Variants in PRKCQ observed in about 807,000 individuals in gnomAD.
The protein encoded by PRKCQ is protein kinase C theta, also known as protein kinase C theta type.
In PRKCQ, 41 loss-of-function variants were observed where a neutral mutation model predicts 91.2. That is an observed-to-expected ratio of 0.45 (90% CI 0.35 to 0.58). The LOEUF (loss-of-function observed/expected upper bound fraction) is 0.58, where lower values mean the gene tolerates loss of function less well. Ranked by LOEUF, PRKCQ falls within the 20% of genes least tolerant of loss-of-function variation. PRKCQ has a pLI of 0.00. For missense variants in PRKCQ, 673 were observed against 896.5 expected (o/e 0.75, Z 3.18); for synonymous variants, 307 against 316.9 (o/e 0.97, Z 0.33).
At position 6,483,510 on chromosome 10, in the gene PRKCQ, G is replaced by A. The variant is rs778724245; in HGVS notation, c.1109C>T (p.Ser370Phe). 2 of 1,614,222 alleles carry A rather than the reference G, an allele frequency of 1.2e-6. No individual in the cohort carries two copies. Among genetic ancestry groups the A allele is most frequent in the Non-Finnish European group, 8.5e-7 (1 of 1,180,038 alleles). ...CTCAATTTTTAGTTTAATCTGCAGAGATGGTCTTTCTTTGTTCAGTTCAGG... is the reference window on the plus strand; with the variant it reads ...CTCAATTTTTAGTTTAATCTGCAGAAATGGTCTTTCTTTGTTCAGTTCAGG... The part of the protein sequence containing the change: ...PEPELNKERP[S>F]LQIKLKIEDF... Residue 370 changes from serine (S) to phenylalanine (F), a missense_variant, in exon 11 of 18, where the codon TCT becomes TTT. Physicochemically the swap from Ser to Phe is radical, Grantham distance 155. Transcript: ENST00000263125.
chr10:6,478,227 C>T (rs555575844), intron 12 of PRKCQ, among the ~76,000 whole-genome samples: 1 of 152,182 alleles, frequency 6.6e-6, no homozygotes, highest in Non-Finnish European at 1.5e-5. Flanking sequence ...CAGTGGGTTG[C>T]TATTTTTGTT....
At chr10:6,555,697 G>C (rs2130944154) in intron 1 of PRKCQ, among the ~76,000 whole-genome samples, 1 of 152,174 alleles carries the variant, frequency 6.6e-6, no homozygotes, top group East Asian at 1.9e-4. Context: ...GATACCACAT[G>C]GTGGATTTAA....
the PRKCQ span, among the ~76,000 whole-genome samples, chr10:6,411,337 A>G: frequency 6.6e-6 from 1 of 152,204 alleles, no homozygotes; most frequent in African/African-American, 2.4e-5. Flanking sequence ...AATATTAGCT[A>G]TGATTATTTT....
intron 10 of PRKCQ, among the ~76,000 whole-genome samples, 160 bp from the exon 11 acceptor site, chr10:6,483,760 C>A (rs1836746034): frequency 2.6e-5 from 4 of 152,166 alleles, no homozygotes. Context: ...GCTTTAATAC[C>A]TTTCCATCTG....
chr10:6,444,940 A>G (rs935132431), intron 15 of PRKCQ, among the ~76,000 whole-genome samples: 1 of 151,978 alleles, frequency 6.6e-6, no homozygotes, highest in African/African-American at 2.4e-5. Flanking sequence ...CCTGGCCAAC[A>G]TGGCGAAACC....
intron 1 of PRKCQ, among the ~76,000 whole-genome samples, chr10:6,553,812 A>G (rs936927003): frequency 2.6e-5 from 4 of 152,222 alleles, no homozygotes; most frequent in African/African-American, 9.6e-5. Context: ...TAAATGTGTC[A>G]CTAAATTATT....
chr10:6,518,708 C>T (rs183475935), intron 1 of PRKCQ, among the ~76,000 whole-genome samples: 30 of 152,130 alleles, frequency 2.0e-4, no homozygotes, highest in East Asian at 1.2e-3. Flanking sequence ...GTAATCCCAG[C>T]GACTCTGGAG....
chr10:6,505,122 T>C (rs551068992), intron 4 of PRKCQ, among the ~76,000 whole-genome samples: 3 of 152,300 alleles, frequency 2.0e-5, no homozygotes, highest in South Asian at 4.1e-4. Context: ...CTCGGTCTCC[T>C]GACCTCGGAT....
chr10:6,458,183 G>T (rs1188305928), intron 14 of PRKCQ, among the ~76,000 whole-genome samples: 1 of 152,222 alleles, frequency 6.6e-6, no homozygotes, highest in Non-Finnish European at 1.5e-5. Context: ...CAATCCTTCT[G>T]CCTCAGACTC....
At chr10:6,473,908 A>G (rs1836129076) in intron 12 of PRKCQ, among the ~76,000 whole-genome samples, 1 of 152,116 alleles carries the variant, frequency 6.6e-6, no homozygotes, top group Non-Finnish European at 1.5e-5. Context: ...TTAGTATGGT[A>G]CTTTCTCCAA....
At chr10:6,457,544 A>G (rs1254597121) in intron 14 of PRKCQ, among the ~76,000 whole-genome samples, 5 of 152,294 alleles carry the variant, frequency 3.3e-5, no homozygotes. Flanking sequence ...TTGACCTTGT[A>G]CCACAGCTGC....
At chr10:6,428,437 T>C in intron 17 of PRKCQ, 75 bp from the exon 18 acceptor site, 2 of 1,523,094 alleles carry the variant, frequency 1.3e-6, no homozygotes, top group Non-Finnish European at 1.8e-6. Context: ...ACTTTTGTTA[T>C]CTAGGCCGTG....
intron 2 of PRKCQ, among the ~76,000 whole-genome samples, chr10:6,513,340 C>T (rs112319605): frequency 2.4e-3 from 368 of 152,120 alleles, no homozygotes; most frequent in Non-Finnish European, 4.3e-3. Flanking sequence ...TCTAAACTCC[C>T]TCCAACTCCA....
At chr10:6,572,233 T>C (rs1242396901) in intron 1 of PRKCQ, among the ~76,000 whole-genome samples, 1 of 152,164 alleles carries the variant, frequency 6.6e-6, no homozygotes, top group African/African-American at 2.4e-5. Context: ...TTAATTTTTA[T>C]TTTTATTTTA....
chr10:6,552,958 T>A lies in PRKCQ; in HGVS notation c.-10+27253A>T, dbSNP rs369189835. Reference sequence around the variant, plus strand: ...TACGTGAAGACAACATATTTTATGATAAATAATTATGTTTTTCAAAGCAAA... The same window carrying A: ...TACGTGAAGACAACATATTTTATGAAAAATAATTATGTTTTTCAAAGCAAA... On this transcript the variant is annotated intron_variant, in intron 1 of 17. Coordinates refer to ENST00000263125, the MANE Select transcript of PRKCQ (RefSeq NM_006257.5). Among the ~76,000 whole-genome samples the A allele has an allele frequency of 2.8e-3, 422 of 152,206 alleles. 5 individuals carry two copies. The South Asian group carries it at 0.043, about 16-fold the overall frequency.
chr10:6,435,105 G>A (rs962272191), intron 16 of PRKCQ, among the ~76,000 whole-genome samples: 1 of 152,144 alleles, frequency 6.6e-6, no homozygotes, highest in Non-Finnish European at 1.5e-5. Context: ...TAGTAGAGAC[G>A]GGGAGTAAAG....
chr10:6,499,193 A>T (rs1837775071), intron 4 of PRKCQ, among the ~76,000 whole-genome samples: 1 of 152,196 alleles, frequency 6.6e-6, no homozygotes, highest in South Asian at 2.1e-4. Flanking sequence ...AAGGCCAGAA[A>T]ATTAATAGCT....
chr10:6,435,463 C>T (rs1320301897), intron 16 of PRKCQ, among the ~76,000 whole-genome samples: 1 of 152,182 alleles, frequency 6.6e-6, no homozygotes, highest in Non-Finnish European at 1.5e-5. Flanking sequence ...AAGCTGCAAG[C>T]CAGTTTATGG....
chr10:6,573,626 G>T (rs963937966), intron 1 of PRKCQ, among the ~76,000 whole-genome samples: 3 of 152,162 alleles, frequency 2.0e-5, no homozygotes, highest in African/African-American at 7.2e-5. Flanking sequence ...CCAATAGATT[G>T]TACGCTTATT....
Sources: allele counts gnomAD v4.1 joint callset (sites outside exome capture counted in the v4.1 genomes callset), GRCh38; gene constraint gnomAD v4.1.1; transcripts MANE v1.5; gene names NCBI Gene and HGNC (gene_info 2026-07-23, HGNC 2026-07-21).